ATP2B2: variants seen among roughly 807,000 people sequenced by gnomAD.
ATP2B2 encodes ATPase plasma membrane Ca2+ transporting 2, also known as plasma membrane calcium-transporting ATPase 2.
ATP2B2 carries 15 observed loss-of-function variants against 120.0 expected under a neutral mutation model. The ratio of observed to expected loss-of-function variants is 0.12; its 90% CI spans 0.08 to 0.19. The LOEUF is 0.19. ATP2B2 is among the 10% of genes least tolerant of loss of function. The pLI is 1.00. For missense variants in ATP2B2, 1,045 were observed against 1,719.8 expected, an observed-to-expected ratio of 0.61 and a Z score of 6.94; for synonymous variants, 694 against 700.3, an observed-to-expected ratio of 0.99 and a Z score of 0.14.
intron 3 of ATP2B2, among the ~76,000 whole-genome samples, chr3:10,515,185 G>A (rs1011033851): frequency 2.0e-5 from 3 of 152,198 alleles, no homozygotes; most frequent in Non-Finnish European, 4.4e-5. Context: ...CTTGGCCAAT[G>A]TGAACCTCAG....
intron 2 of ATP2B2, among the ~76,000 whole-genome samples, chr3:10,609,886 A>G (rs2069182473): frequency 6.6e-6 from 1 of 151,958 alleles, no homozygotes; most frequent in Non-Finnish European, 1.5e-5. Context: ...CAAGGACTGC[A>G]GCTCCCTCTC....
chr3:10,389,660 G>C (rs1317908522), intron 5 of ATP2B2, among the ~76,000 whole-genome samples: 1 of 152,222 alleles, frequency 6.6e-6, no homozygotes, highest in African/African-American at 2.4e-5. Flanking sequence ...AATATGAAAA[G>C]AGTTCTGTGG....
intron 1 of ATP2B2, among the ~76,000 whole-genome samples, chr3:10,664,486 C>A (rs2070871778): frequency 6.6e-6 from 1 of 152,172 alleles, no homozygotes; most frequent in Admixed American, 6.5e-5. Context: ...TCTGCAGCAA[C>A]AACAGTGTGT....
At chr3:10,543,948 A>G (rs1054496537) in intron 2 of ATP2B2, among the ~76,000 whole-genome samples, 1 of 152,160 alleles carries the variant, frequency 6.6e-6, no homozygotes, top group Non-Finnish European at 1.5e-5. Flanking sequence ...CACGTTGGCC[A>G]GGCTGGTCTC....
At chr3:10,588,964 G>T (rs555127961) in intron 2 of ATP2B2, among the ~76,000 whole-genome samples, 1 of 152,320 alleles carries the variant, frequency 6.6e-6, no homozygotes, top group East Asian at 1.9e-4. Flanking sequence ...GGAGGAATCT[G>T]GGGCTGGTAT....
intron 1 of ATP2B2, among the ~76,000 whole-genome samples, chr3:10,690,534 G>A (rs1419341484): frequency 6.6e-6 from 1 of 151,968 alleles, no homozygotes; most frequent in Non-Finnish European, 1.5e-5. Context: ...TACAGATGAG[G>A]AAACTGAGGT....
At chr3:10,516,776 C>G (rs2066884654) in intron 3 of ATP2B2, among the ~76,000 whole-genome samples, 1 of 152,224 alleles carries the variant, frequency 6.6e-6, no homozygotes, top group African/African-American at 2.4e-5. Context: ...GTGCCCACAG[C>G]CTTCCTGGCT....
rs753956510 is a variant in ATP2B2 at position 10,358,849 on chromosome 3, C to T, written c.1978G>A (p.Val660Met). ...CCATCGCAAGCCATGGGCTCAATCA[C>T]CTTCTTTACCATCTCGTCCCGGTCG... ...PRDRDEMVKKVIEPMACDGLR... is the reference protein window; with the variant it reads ...PRDRDEMVKKMIEPMACDGLR... The change falls in exon 14 of 23, where the codon GTG becomes ATG. Residue 660 changes from valine to methionine, a missense_variant. Coordinates refer to ENST00000360273, the MANE Select transcript of ATP2B2 (RefSeq NM_001001331.4). The T allele has an allele frequency of 6.2e-6, 10 of 1,614,218 alleles. No individual in the cohort carries two copies. The highest frequency in any genetic ancestry group is 7.6e-6 in the Non-Finnish European group (9 of 1,180,040).
intron 19 of ATP2B2, among the ~76,000 whole-genome samples, chr3:10,341,354 A>G (rs1390396525): frequency 1.3e-5 from 2 of 152,132 alleles, no homozygotes; most frequent in African/African-American, 2.4e-5. Context: ...GTTGTTGCCC[A>G]GGCTGGAGGA....
intron 2 of ATP2B2, among the ~76,000 whole-genome samples, chr3:10,597,495 G>T (rs190099774): frequency 6.6e-6 from 1 of 152,188 alleles, no homozygotes; most frequent in Non-Finnish European, 1.5e-5. Flanking sequence ...GGTTAAGAAG[G>T]AAAGAAGGAG....
chr3:10,387,435 G>A (rs2061712766), intron 6 of ATP2B2, among the ~76,000 whole-genome samples: 1 of 152,212 alleles, frequency 6.6e-6, no homozygotes. Flanking sequence ...TCCCTTCTGG[G>A]GTTCTAGAAG....
At chr3:10,707,953 T>C (rs987432610) in exon 1 of ATP2B2, 2 of 149,274 alleles carry the variant, frequency 1.3e-5, no homozygotes, top group Non-Finnish European at 3.0e-5. Flanking sequence ...CCGCCGCCGC[T>C]GCCGCCGCCG....
chr3:10,582,373 C>T (rs1206518502), intron 2 of ATP2B2, among the ~76,000 whole-genome samples: 1 of 152,188 alleles, frequency 6.6e-6, no homozygotes, highest in Non-Finnish European at 1.5e-5. Context: ...AGACATTCTA[C>T]ATCTTTCTTT....
At chr3:10,522,987 T>G (rs1220815415) in intron 3 of ATP2B2, among the ~76,000 whole-genome samples, 1 of 152,204 alleles carries the variant, frequency 6.6e-6, no homozygotes, top group Non-Finnish European at 1.5e-5. Flanking sequence ...ACACAATAGG[T>G]GCTCCACAGC....
At chr3:10,378,210 C>T (rs1437393188) in intron 10 of ATP2B2, 42 bp downstream of exon 10, 2 of 1,593,656 alleles carry the variant, frequency 1.3e-6, no homozygotes, top group Non-Finnish European at 8.5e-7. Context: ...CCTGGGGTCC[C>T]CCTGTGAGCC....
At chr3:10,689,339 GTT>G (rs2071600549) in intron 1 of ATP2B2, among the ~76,000 whole-genome samples, 1 of 152,112 alleles carries the variant, frequency 6.6e-6, no homozygotes, top group Non-Finnish European at 1.5e-5. Flanking sequence ...CCACACCTTA[GTT>G]TTCTCAACTG....
chr3:10,595,459 G>A (rs1446211861), intron 2 of ATP2B2, among the ~76,000 whole-genome samples: 1 of 152,114 alleles, frequency 6.6e-6, no homozygotes, highest in Non-Finnish European at 1.5e-5. Context: ...ATTATTTGTG[G>A]CATTATCATT....
At chr3:10,647,740 T>C (rs753283165) in intron 1 of ATP2B2, among the ~76,000 whole-genome samples, 5 of 152,130 alleles carry the variant, frequency 3.3e-5, no homozygotes, top group Admixed American at 2.6e-4. Context: ...TTTTCCTCAA[T>C]AGAGGAAGTC....
rs2060885536 is a variant in ATP2B2 at position 10,361,110 on chromosome 3, T to C, written c.1660-987A>G. On this transcript the variant is annotated intron_variant, in intron 12 of 22. Transcript: ENST00000360273. Reference sequence around the variant, plus strand: ...CTGATAATCTGTTCCTTTTGATTGCTGAGTGGTATTTCATGGGACAGACAG... The same window carrying C: ...CTGATAATCTGTTCCTTTTGATTGCCGAGTGGTATTTCATGGGACAGACAG... 5.3e-5 allele frequency among the ~76,000 whole-genome samples: 8 copies of C among 152,372 alleles called. No individual in the cohort carries two copies. The South Asian group carries it at 1.7e-3, about 32-fold the overall frequency.
Sources: gnomAD v4.1 joint callset for allele counts (sites outside exome capture counted in the v4.1 genomes callset) on GRCh38, gnomAD v4.1.1 for gene constraint, MANE v1.5 for transcripts, NCBI Gene and HGNC (gene_info 2026-07-23, HGNC 2026-07-21) for gene names.